Variants in L2HGDH observed in about 807,000 individuals in gnomAD.
L2HGDH encodes L-2-hydroxyglutarate dehydrogenase, mitochondrial.
Under a neutral mutation model 51.5 loss-of-function variants are expected in L2HGDH, and 34 were observed. That is an observed-to-expected ratio of 0.66 (90% CI 0.50 to 0.88). The LOEUF (loss-of-function observed/expected upper bound fraction) is 0.88. Ranked by LOEUF, L2HGDH falls within the 40% of genes least tolerant of loss-of-function variation. The pLI, the probability that L2HGDH is intolerant of heterozygous loss-of-function variation, is 0.00. For missense variants in L2HGDH, 558 were observed against 571.9 expected, an observed-to-expected ratio of 0.98 and a Z score of 0.25; for synonymous variants, 198 against 197.9, an observed-to-expected ratio of 1.00 and a Z score of -0.01.
intron 8 of L2HGDH, among the ~76,000 whole-genome samples, chr14:50,266,016 T>G (rs754751478): frequency 6.6e-6 from 1 of 152,008 alleles, no homozygotes; most frequent in Non-Finnish European, 1.5e-5. Context: ...CATGGTGGTG[T>G]GTGCCTGTAG....
At chr14:50,290,268 TA>T (rs199797742) in intron 4 of L2HGDH, among the ~76,000 whole-genome samples, 2 of 149,676 alleles carry the variant, frequency 1.3e-5, no homozygotes, top group East Asian at 2.0e-4. Context: ...CTCCGTCTCA[TA>T]AAAAAAAACA....
chr14:50,295,387 G>A (rs560579545), intron 3 of L2HGDH, among the ~76,000 whole-genome samples: 131 of 151,876 alleles, frequency 8.6e-4, no homozygotes, highest in African/African-American at 3.0e-3. Flanking sequence ...AAAAAAATTT[G>A]TATCTATTTT....
In L2HGDH at chr14:50,244,252, C is replaced by T. The variant is rs958572889; in HGVS notation, c.*2806G>A. 67 of 313,510 alleles carry T rather than the reference C, an allele frequency of 2.1e-4. No individual in the cohort carries two copies. The highest frequency in any genetic ancestry group is 1.3e-3 in the African/African-American group (58 of 44,248). The allele number at this position is 313,510 out of a possible 1,614,324, so 19.4% of individuals were successfully genotyped here. ...TTCTAGTTCCAGATCCCTGAGGAAT[C>T]GCCACACTGACTTCCACAATGGTTG... On this transcript the variant is annotated 3_prime_UTR_variant, in exon 10 of 10. Coordinates refer to ENST00000267436, the MANE Select transcript of L2HGDH (RefSeq NM_024884.3).
rs753721176 is a variant in L2HGDH, at chr14:50,302,929, C to A, written c.229G>T (p.Gly77Cys). The A allele has an allele frequency of 6.2e-7, 1 of 1,613,550 alleles. No homozygotes were observed. Among genetic ancestry groups the A allele is most frequent in the Non-Finnish European group, 8.5e-7 (1 of 1,179,564 alleles). The change falls in exon 2 of 10, where the codon GGT (glycine) becomes TGT (cysteine). Residue 77 changes from glycine (G) to cysteine (C), a missense_variant. By Grantham distance (159) the Gly-to-Cys change is radical. Transcript: ENST00000267436. ...AAATCTTTCTCCTTTTCCAGAACAC[C>A]AATAGAAAGTGATGGATGTCGCAGG... is the stretch of plus-strand genomic sequence containing the variant. ...LILRHPSLSI[G>C]VLEKEKDLAV...
At chr14:50,310,113 T>C (rs897303883) in intron 1 of L2HGDH, among the ~76,000 whole-genome samples, 6 of 152,156 alleles carry the variant, frequency 3.9e-5, no homozygotes, top group Admixed American at 2.0e-4. Flanking sequence ...AGCTGAACAA[T>C]GTCCGTGGAT....
chr14:50,300,177 A>G (rs550515611), intron 3 of L2HGDH, among the ~76,000 whole-genome samples: 1 of 152,184 alleles, frequency 6.6e-6, no homozygotes, highest in Non-Finnish European at 1.5e-5. Flanking sequence ...ATTATAGTTA[A>G]TAATGTATTA....
In L2HGDH at chr14:50,267,929, A is replaced by G. The variant is rs1468163104; in HGVS notation, c.907-19T>C. The G allele has an allele frequency of 6.2e-7, 1 of 1,611,042 alleles. No homozygotes were observed. The highest frequency in any genetic ancestry group is 2.2e-5 in the East Asian group (1 of 44,864). On this transcript the variant is annotated intron_variant, in intron 7 of 9. Coordinates refer to ENST00000267436, the MANE Select transcript of L2HGDH (RefSeq NM_024884.3). Reference sequence around the variant, plus strand: ...CTGGGACCTATAAATTTAACATAGTAAATAACAGCCTCATTTCACATTCCA... The same window carrying G: ...CTGGGACCTATAAATTTAACATAGTGAATAACAGCCTCATTTCACATTCCA...
At chr14:50,295,993 C>G (rs1305167577) in intron 3 of L2HGDH, among the ~76,000 whole-genome samples, 1 of 151,978 alleles carries the variant, frequency 6.6e-6, no homozygotes, top group Non-Finnish European at 1.5e-5. Context: ...TCCACTTCGG[C>G]CTCCCAAAGT....
At chr14:50,294,021 T>G in intron 4 of L2HGDH, 94 bp downstream of exon 4, 3 of 1,417,398 alleles carry the variant, frequency 2.1e-6, no homozygotes, top group Non-Finnish European at 3.0e-6. Flanking sequence ...ATCTAACTGA[T>G]TTTATATTAT....
intron 5 of L2HGDH, among the ~76,000 whole-genome samples, chr14:50,279,685 TA>T (rs955696622): frequency 2.7e-3 from 378 of 141,170 alleles, no homozygotes; most frequent in Admixed American, 2.6e-3. Flanking sequence ...TTTTATTATT[TA>T]AAAAAAAAAA....
chr14:50,245,739 A>C lies in L2HGDH; in HGVS notation c.*1319T>G, dbSNP rs916125522. 10 of 985,212 alleles carry C rather than the reference A, an allele frequency of 1.0e-5. No homozygotes were observed. The highest frequency in any genetic ancestry group is 1.2e-5 in the Non-Finnish European group (10 of 829,848). 61.0% of individuals were successfully genotyped at this position (985,212 alleles called of 1,614,324 possible). On this transcript the variant is annotated 3_prime_UTR_variant, in exon 10 of 10. Transcript: ENST00000267436. Reference sequence around the variant, plus strand: ...TGCTAAAAAATTGATTTAAGGAAATAATCTATTTTTATGCCATCTTTCTCC... The same window carrying C: ...TGCTAAAAAATTGATTTAAGGAAATCATCTATTTTTATGCCATCTTTCTCC...
intron 1 of L2HGDH, among the ~76,000 whole-genome samples, chr14:50,306,145 G>C (rs2030710614): frequency 6.6e-6 from 1 of 151,748 alleles, no homozygotes; most frequent in Admixed American, 6.6e-5. Flanking sequence ...CCAGCTCCCG[G>C]ATTCAAGCGA....
chr14:50,271,641 G>C (rs1889693232), intron 6 of L2HGDH, among the ~76,000 whole-genome samples: 1 of 152,018 alleles, frequency 6.6e-6, no homozygotes, highest in South Asian at 2.1e-4. Context: ...AGGAGTTCAA[G>C]ACCAGCCTGG....
At chr14:50,287,067 G>A (rs1890602996) in intron 4 of L2HGDH, 11 of 485,702 alleles carry the variant, frequency 2.3e-5, no homozygotes, top group Non-Finnish European at 2.9e-5. Flanking sequence ...AACTCTTTGG[G>A]AGCTGTGTGA....
At chr14:50,269,097 T>G in intron 7 of L2HGDH, 66 bp downstream of exon 7, 1 of 1,459,520 alleles carries the variant, frequency 6.9e-7, no homozygotes, top group Non-Finnish European at 9.6e-7. Flanking sequence ...GTGAAAGTTG[T>G]TTTCATCTCC....
At chr14:50,254,344 A>C (rs942374685) in intron 9 of L2HGDH, among the ~76,000 whole-genome samples, 1 of 152,118 alleles carries the variant, frequency 6.6e-6, no homozygotes, top group Admixed American at 6.6e-5. Context: ...AAAATTAAAA[A>C]AAAAATCTTA....
At chr14:50,249,628 T>C (rs1055263902) in intron 9 of L2HGDH, among the ~76,000 whole-genome samples, 4 of 152,134 alleles carry the variant, frequency 2.6e-5, no homozygotes, top group African/African-American at 9.7e-5. Context: ...AAAGAGCCCT[T>C]GGGCCCTGAA....
At chr14:50,300,244 T>A (rs1347274473) in intron 3 of L2HGDH, among the ~76,000 whole-genome samples, 2 of 152,022 alleles carry the variant, frequency 1.3e-5, no homozygotes, top group African/African-American at 2.4e-5. Context: ...AAAAAAAAAA[T>A]AAGTATGAAA....
In L2HGDH at chr14:50,244,099, T is replaced by G. The variant is rs1043741836; in HGVS notation, c.*2959A>C. On this transcript the variant is annotated 3_prime_UTR_variant, in exon 10 of 10. Coordinates refer to ENST00000267436, the MANE Select transcript of L2HGDH (RefSeq NM_024884.3). ...GTCTATCGTTGTTGGACATTTGGGT[T>G]GGTTCCAAGTCTTTACTATTGTGAA... is the stretch of plus-strand genomic sequence containing the variant. The G allele has an allele frequency of 3.3e-5, 5 of 152,242 alleles. No individual in the cohort carries two copies. In the East Asian group the frequency reaches 9.7e-4, roughly 29 times the overall value. The allele number at this position is 152,242 out of a possible 1,614,324, so 9.4% of individuals were successfully genotyped here.
Sources: gnomAD v4.1 joint callset for allele counts (sites outside exome capture counted in the v4.1 genomes callset) on GRCh38, gnomAD v4.1.1 for gene constraint, MANE v1.5 for transcripts, NCBI Gene and HGNC (gene_info 2026-07-23, HGNC 2026-07-21) for gene names.